B3GALT1: variants seen among roughly 807,000 people sequenced by gnomAD.
B3GALT1 encodes the protein UDP-Gal:betaGlcNAc beta 1,3-galactosyltransferase, polypeptide 1.
B3GALT1 carries 10 observed loss-of-function variants against 23.2 expected under a neutral mutation model. That is an observed-to-expected ratio of 0.43 (90% CI 0.27 to 0.73). The LOEUF (loss-of-function observed/expected upper bound fraction) is 0.73. B3GALT1 is among the 30% of genes least tolerant of loss of function. The pLI is 0.21. For synonymous variants in B3GALT1, 156 were observed against 141.5 expected, an observed-to-expected ratio of 1.10 and a Z score of -0.73; for missense variants, 299 against 405.4, an observed-to-expected ratio of 0.74 and a Z score of 2.25.
At chr2:167,442,004 T>C (rs1338397128) in intron 1 of B3GALT1, among the ~76,000 whole-genome samples, 1 of 152,132 alleles carries the variant, frequency 6.6e-6, no homozygotes, top group South Asian at 2.1e-4. Context: ...GCATTAGGTA[T>C]ATCTCCCAAT....
chr2:167,579,430 G>GTTTTTTTTTTTTTTTTTTTTTTTT (rs1553469287), intron 2 of B3GALT1, among the ~76,000 whole-genome samples: 2 of 63,628 alleles, frequency 3.1e-5, no homozygotes, highest in Admixed American at 1.7e-4. Flanking sequence ...GTTTTTTTTT[G>GTTTTTTTTTTTTTTTTTTTTTTTT]TCTTTTTTTT....
At chr2:167,666,628 G>A (rs989066548) in intron 3 of B3GALT1, among the ~76,000 whole-genome samples, 2 of 151,946 alleles carry the variant, frequency 1.3e-5, no homozygotes, top group African/African-American at 4.8e-5. Flanking sequence ...ATGAATCTGG[G>A]TGCTCCTGTA....
chr2:167,426,707 C>A (rs1215158129), intron 1 of B3GALT1, among the ~76,000 whole-genome samples: 2 of 152,086 alleles, frequency 1.3e-5, no homozygotes, highest in Non-Finnish European at 2.9e-5. Flanking sequence ...GCCTATGTAA[C>A]CTGACAAATT....
chr2:167,392,641 A>G (rs986330667), intron 1 of B3GALT1, among the ~76,000 whole-genome samples: 3 of 152,206 alleles, frequency 2.0e-5, no homozygotes, highest in Admixed American at 6.5e-5. Flanking sequence ...AGTAAAAATA[A>G]TTAAGATTAC....
chr2:167,842,037 A>G (rs1441015853), intron 4 of B3GALT1, among the ~76,000 whole-genome samples: 1 of 152,270 alleles, frequency 6.6e-6, no homozygotes, highest in Non-Finnish European at 1.5e-5. Context: ...GAAAAAGACC[A>G]AATGAATTAA....
At chr2:167,706,631 G>A (rs1686970929) in intron 3 of B3GALT1, among the ~76,000 whole-genome samples, 1 of 152,204 alleles carries the variant, frequency 6.6e-6, no homozygotes, top group Non-Finnish European at 1.5e-5. Flanking sequence ...TGGGAAGCAG[G>A]AGATGAAAAC....
At chr2:167,676,643 C>A (rs1686432440) in intron 3 of B3GALT1, among the ~76,000 whole-genome samples, 1 of 151,982 alleles carries the variant, frequency 6.6e-6, no homozygotes, top group Non-Finnish European at 1.5e-5. Context: ...CTCACTGCAA[C>A]CTCTGCCTCC....
At chr2:167,504,498 T>C (rs75739567) in intron 2 of B3GALT1, among the ~76,000 whole-genome samples, 4,630 of 152,250 alleles carry the variant, frequency 0.03, 133 homozygotes, top group East Asian at 0.11. Context: ...TATGTGACCA[T>C]GAAAATGCCT....
chr2:167,345,269 A>G (rs1248529665), intron 1 of B3GALT1, among the ~76,000 whole-genome samples: 1 of 152,112 alleles, frequency 6.6e-6, no homozygotes, highest in Non-Finnish European at 1.5e-5. Context: ...CTATAGGCTC[A>G]TGAAGTGTAT....
chr2:167,728,344 G>A (rs1326825079), intron 3 of B3GALT1, among the ~76,000 whole-genome samples: 4 of 152,102 alleles, frequency 2.6e-5, no homozygotes, highest in East Asian at 1.9e-4. Context: ...GTGAGATCAC[G>A]CCACTGCACT....
intron 3 of B3GALT1, among the ~76,000 whole-genome samples, chr2:167,773,052 A>G (rs1013466190): frequency 6.6e-6 from 1 of 152,190 alleles, no homozygotes; most frequent in Non-Finnish European, 1.5e-5. Context: ...GAGAAATGAT[A>G]AATGTTTGTT....
In B3GALT1 at chr2:167,547,792, G is replaced by A. The variant is rs191145123; in HGVS notation, c.-410+57515G>A. On this transcript the variant is annotated intron_variant, in intron 2 of 4. Transcript: ENST00000392690. ...TGACATATCTTCCTTGCTTTACTAG[G>A]CTAGCTGCCAAAAAGAATTGGATCC... is the stretch of plus-strand genomic sequence containing the variant. Among the ~76,000 whole-genome samples the A allele has an allele frequency of 2.0e-5, 3 of 152,080 alleles. No homozygotes were observed. The East Asian group carries it at 5.8e-4, about 29-fold the overall frequency.
intron 2 of B3GALT1, among the ~76,000 whole-genome samples, chr2:167,535,532 AAG>A (rs1030758639): frequency 3.9e-5 from 6 of 152,148 alleles, no homozygotes; most frequent in African/African-American, 1.4e-4. Context: ...GCCTTGCAGA[AAG>A]AGGCAGCTCA....
intron 3 of B3GALT1, among the ~76,000 whole-genome samples, chr2:167,752,478 G>A (rs942845575): frequency 2.0e-5 from 3 of 151,276 alleles, no homozygotes; most frequent in African/African-American, 7.3e-5. Flanking sequence ...CATTTATGTA[G>A]ATTTATTGTA....
Position 167,365,626 on chromosome 2 carries a change from G to A in B3GALT1, c.-511+72292G>A, listed in dbSNP as rs577675881. 2.5e-4 allele frequency among the ~76,000 whole-genome samples: 30 copies of A among 119,318 alleles called. No homozygotes were observed. The South Asian group carries it at 2.5e-3, about 10-fold the overall frequency. 78.3% of individuals were successfully genotyped at this position (119,318 alleles called of 152,430 possible). ...CACACACACACACACACACACACAC[G>A]TGCATGCAAAATGCCCTTTGCCAAA... On this transcript the variant is annotated intron_variant, in intron 1 of 4. Transcript: ENST00000392690.
chr2:167,508,410 C>A (rs1699955378), intron 2 of B3GALT1, among the ~76,000 whole-genome samples: 1 of 151,836 alleles, frequency 6.6e-6, no homozygotes, highest in Non-Finnish European at 1.5e-5. Flanking sequence ...AGGCACCCGC[C>A]ACCACTCCCG....
intron 1 of B3GALT1, among the ~76,000 whole-genome samples, chr2:167,473,199 G>A (rs1002298463): frequency 2.6e-5 from 4 of 152,094 alleles, no homozygotes; most frequent in Non-Finnish European, 5.9e-5. Context: ...CTAAAAGTGA[G>A]CATGTCAAAT....
At position 167,544,125 on chromosome 2, in the gene B3GALT1, C is replaced by CT. The variant is rs755323349; in HGVS notation, c.-410+53849dup. 9.9e-4 allele frequency among the ~76,000 whole-genome samples: 151 copies of CT among 152,310 alleles called. 1 individual carries two copies. The highest frequency in any genetic ancestry group is 1.7e-3 in the Non-Finnish European group (117 of 68,022). The stretch of plus-strand genomic sequence containing the variant: ...AATACATGCGTCCCCCAGAAGAAAT[C>CT]TGCTTAGAGCTCAATGGTCAGACCT... On this transcript the variant is annotated intron_variant, in intron 2 of 4. Coordinates refer to ENST00000392690, the MANE Select transcript of B3GALT1 (RefSeq NM_020981.4).
chr2:167,353,052 A>G (rs1697342343), intron 1 of B3GALT1, among the ~76,000 whole-genome samples: 1 of 152,160 alleles, frequency 6.6e-6, no homozygotes, highest in South Asian at 2.1e-4. Flanking sequence ...AAAGAGACCT[A>G]TCTCTGTATT....
Sources: allele counts gnomAD v4.1 joint callset (sites outside exome capture counted in the v4.1 genomes callset), GRCh38; gene constraint gnomAD v4.1.1; transcripts MANE v1.5; gene names NCBI Gene and HGNC (gene_info 2026-07-23, HGNC 2026-07-21).